DLD: variants seen among roughly 807,000 people sequenced by gnomAD.
DLD encodes the protein dihydrolipoamide dehydrogenase.
DLD carries 36 observed loss-of-function variants against 62.2 expected under a neutral mutation model. The ratio of observed to expected loss-of-function variants is 0.58; its 90% CI spans 0.44 to 0.76. The LOEUF is 0.76. DLD is among the 30% of genes least tolerant of loss of function. The pLI is 0.00. For missense variants in DLD, 541 were observed against 608.6 expected (o/e 0.89, Z 1.17); for synonymous variants, 204 against 199.6 (o/e 1.02, Z -0.19).
At chr7:107,907,140 T>TA (rs1446984316) in intron 8 of DLD, among the ~76,000 whole-genome samples, 2 of 152,306 alleles carry the variant, frequency 1.3e-5, no homozygotes. Flanking sequence ...ACCACACTCT[T>TA]ACAGATGTCC....
Position 107,920,026 on chromosome 7 carries a change from G to T in DLD, c.*767G>T, listed in dbSNP as rs531593305. Reference sequence around the variant, plus strand: ...ATAGTTTTTTTTATGACTACTTCTAGTGTATATTCTAATTTCTTTTCTAGG... The same window carrying T: ...ATAGTTTTTTTTATGACTACTTCTATTGTATATTCTAATTTCTTTTCTAGG... On this transcript the variant is annotated 3_prime_UTR_variant, in exon 14 of 14. Coordinates refer to ENST00000205402, the MANE Select transcript of DLD (RefSeq NM_000108.5). 7.2e-5 allele frequency: 11 copies of T among 152,362 alleles called. No individual in the cohort carries two copies. Among genetic ancestry groups the T allele is most frequent in the African/African-American group, 2.6e-4 (11 of 41,550 alleles). The allele number at this position is 152,362 out of a possible 1,614,324, so 9.4% of individuals were successfully genotyped here. A position where few individuals can be genotyped will look rare whatever the true frequency, so the allele number is the denominator to read the frequency against.
At chr7:107,891,577 A>G (rs2031576257) in intron 1 of DLD, 1 of 576,170 alleles carries the variant, frequency 1.7e-6, no homozygotes, top group East Asian at 3.0e-5. Flanking sequence ...GCCGAGGGCC[A>G]TCCCGGTCAC....
chr7:107,912,100 T>C (rs1159699134), intron 8 of DLD, among the ~76,000 whole-genome samples: 1 of 152,124 alleles, frequency 6.6e-6, no homozygotes, highest in African/African-American at 2.4e-5. Flanking sequence ...CTTCCTGTGC[T>C]TAGCTTATTT....
chr7:107,917,962 T>C lies in DLD; in HGVS notation c.1275T>C (p.Ala425=), dbSNP rs751879528. ...AAGTTGGGAAATTCCCATTTGCTGC[T>C]AACAGCAGAGCTAAGACAAATGCTG... ...EYKVGKFPFA[A]NSRAKTNADT... The change falls in exon 12 of 14, where the codon GCT becomes GCC. Residue 425 remains alanine (A), a synonymous_variant. Transcript: ENST00000205402. 1.9e-6 allele frequency: 3 copies of C among 1,614,122 alleles called. No individual in the cohort carries two copies. In the Admixed American group the frequency reaches 5.0e-5, roughly 27 times the overall value.
In DLD at chr7:107,902,317, G is replaced by T. The variant is rs1292104797; in HGVS notation, c.199-8G>T. ...TGTGCAGTTAAATAATGTTTTCTTT[G>T]GTTGTAGACAGTCTGCATTGAGAAA... On this transcript the variant is annotated splice_polypyrimidine_tract_variant and splice_region_variant and intron_variant, in intron 3 of 13. Coordinates refer to ENST00000205402, the MANE Select transcript of DLD (RefSeq NM_000108.5). 1 of 1,612,086 alleles carries T rather than the reference G, an allele frequency of 6.2e-7. No individual in the cohort carries two copies. Among genetic ancestry groups the T allele is most frequent in the South Asian group, 1.1e-5 (1 of 91,026 alleles).
At position 107,913,308 on chromosome 7, in the gene DLD, G is replaced by T. The variant is rs542571257; in HGVS notation, c.685-2198G>T. ...TTGGTAGTTTAGTAGGGATTGCATTGAATCTGTAAATTACCTTGGGTAGTA... is the reference window on the plus strand; with the variant it reads ...TTGGTAGTTTAGTAGGGATTGCATTTAATCTGTAAATTACCTTGGGTAGTA... On this transcript the variant is annotated intron_variant, in intron 8 of 13. Coordinates refer to ENST00000205402, the MANE Select transcript of DLD (RefSeq NM_000108.5). 4.2e-4 allele frequency among the ~76,000 whole-genome samples: 64 copies of T among 152,042 alleles called. No individual in the cohort carries two copies. In the South Asian group the frequency reaches 9.8e-3, roughly 23 times the overall value.
At chr7:107,895,992 A>T (rs2031713205) in intron 2 of DLD, among the ~76,000 whole-genome samples, 1 of 152,232 alleles carries the variant, frequency 6.6e-6, no homozygotes. Context: ...CAGATCGTAC[A>T]TAGGTAGACC....
In DLD at chr7:107,919,031, G is replaced by T. The variant is rs2116277809; in HGVS notation, c.1396G>T (p.Glu466Ter). 6.2e-7 allele frequency: 1 copy of T among 1,613,992 alleles called. No homozygotes were observed. The highest frequency in any genetic ancestry group is 8.5e-7 in the Non-Finnish European group (1 of 1,179,882). Residue 466 changes from glutamate to a stop codon, truncating the protein, a stop_gained, in exon 13 of 14, where the codon GAA becomes TAA. Coordinates refer to ENST00000205402, the MANE Select transcript of DLD (RefSeq NM_000108.5). LOFTEE classifies it high-confidence loss of function. ...LGPGAGEMVN[E>*]AALALEYGAS... is the part of the protein sequence containing the mutation. ...AAAGGGTGCTGGAGAAATGGTAAAT[G>T]AAGCTGCTCTTGCTTTGGAATATGG...
chr7:107,919,163 G>A, intron 13 of DLD, 31 bp from the exon 14 acceptor site: 2 of 1,612,398 alleles, frequency 1.2e-6, no homozygotes, highest in Non-Finnish European at 1.7e-6. Flanking sequence ...ACAAATATTT[G>A]GATTTTAATT....
In DLD at chr7:107,903,875, A is replaced by G. The variant is rs117304495; in HGVS notation, c.337+328A>G. On this transcript the variant is annotated intron_variant, in intron 5 of 13. Transcript: ENST00000205402. Reference sequence around the variant, plus strand: ...TCCTAAAATCTGGAAATCACTGAGAAGGCTGGATTCCTGAGTACTATGGGG... The same window carrying G: ...TCCTAAAATCTGGAAATCACTGAGAGGGCTGGATTCCTGAGTACTATGGGG... The G allele has an allele frequency of 5.4e-5, 15 of 277,050 alleles. No homozygotes were observed. In the East Asian group the frequency reaches 1.4e-3, roughly 26 times the overall value. The allele number at this position is 277,050 out of a possible 1,614,324, so 17.2% of individuals were successfully genotyped here. A position where few individuals can be genotyped will look rare whatever the true frequency, so the allele number is the denominator to read the frequency against.
At chr7:107,898,367 C>T (rs2031787217) in intron 2 of DLD, among the ~76,000 whole-genome samples, 1 of 150,650 alleles carries the variant, frequency 6.6e-6, no homozygotes, top group South Asian at 2.1e-4. Flanking sequence ...TGCGACGTCC[C>T]CCTCCTGGGT....
At chr7:107,896,645 G>A (rs1020134472) in intron 2 of DLD, among the ~76,000 whole-genome samples, 1 of 152,090 alleles carries the variant, frequency 6.6e-6, no homozygotes, top group Non-Finnish European at 1.5e-5. Flanking sequence ...ATGGGAGGAG[G>A]TTACTGAAAA....
In DLD at chr7:107,920,388, A is replaced by G. The variant is rs960387348; in HGVS notation, c.*1129A>G. 1 of 152,304 alleles carries G rather than the reference A, an allele frequency of 6.6e-6. No individual in the cohort carries two copies. Among genetic ancestry groups the G allele is most frequent in the Non-Finnish European group, 1.5e-5 (1 of 68,038 alleles). 9.4% of individuals were successfully genotyped at this position (152,304 alleles called of 1,614,324 possible). On this transcript the variant is annotated 3_prime_UTR_variant, in exon 14 of 14. Transcript: ENST00000205402. ...TTCTGAAATTTGGTATAGATAGCAT[A>G]GATTGTCTCATGCTCATGAGTGACA...
intron 8 of DLD, among the ~76,000 whole-genome samples, chr7:107,911,546 C>T (rs1005683650): frequency 4.6e-5 from 7 of 152,048 alleles, no homozygotes; most frequent in African/African-American, 1.2e-4. Context: ...TTTAACTTCT[C>T]AAGGAACACC....
intron 8 of DLD, among the ~76,000 whole-genome samples, chr7:107,907,651 G>A (rs1398654279): frequency 6.6e-6 from 1 of 152,044 alleles, no homozygotes; most frequent in African/African-American, 2.4e-5. Flanking sequence ...TCAGAGACTT[G>A]GTTTTGTGAT....
In DLD at chr7:107,918,060, C is replaced by T. The variant is rs552150487; in HGVS notation, c.1373C>T (p.Pro458Leu). The change falls in exon 12 of 14, where the codon CCA becomes CTA. Residue 458 changes from proline (P) to leucine (L), a missense_variant and splice_region_variant. By Grantham distance (98) the Pro-to-Leu change is moderately conservative (BLOSUM62 -3). Transcript: ENST00000205402. Reference protein sequence around the residue: ...DRVLGAHILGPGAGEMVNEAA... With the variant: ...DRVLGAHILGLGAGEMVNEAA... ...GTACTGGGAGCACATATTCTTGGAC[C>T]AGTGAGTATTGTAAAACCAGAGAAA... The T allele has an allele frequency of 4.3e-6, 7 of 1,613,886 alleles. No individual in the cohort carries two copies. In the South Asian group the frequency reaches 6.6e-5, roughly 15 times the overall value.
chr7:107,902,485 T>TC, intron 4 of DLD, 92 bp downstream of exon 4: 1 of 1,085,486 alleles, frequency 9.2e-7, no homozygotes, highest in East Asian at 2.4e-5. Flanking sequence ...AATACACTTG[T>TC]TAAAAAACAA....
At chr7:107,892,530 G>GATTT (rs2031611103) in intron 1 of DLD, among the ~76,000 whole-genome samples, 1 of 116,540 alleles carries the variant, frequency 8.6e-6, no homozygotes, top group African/African-American at 3.2e-5. Flanking sequence ...AACTTTCAGA[G>GATTT]CTTTATTTAT....
At chr7:107,895,552 C>G (rs968406233) in intron 2 of DLD, among the ~76,000 whole-genome samples, 1 of 152,196 alleles carries the variant, frequency 6.6e-6, no homozygotes, top group African/African-American at 2.4e-5. Flanking sequence ...TCGACAAATA[C>G]TAATATCTAC....
Sources: gnomAD v4.1 joint callset for allele counts (sites outside exome capture counted in the v4.1 genomes callset) on GRCh38, gnomAD v4.1.1 for gene constraint, MANE v1.5 for transcripts, NCBI Gene and HGNC (gene_info 2026-07-23, HGNC 2026-07-21) for gene names.